Variants in COMT observed in about 807,000 individuals in gnomAD.
COMT encodes the protein catechol O-methyltransferase.
COMT carries 13 observed loss-of-function variants against 18.9 expected under a neutral mutation model. That is an observed-to-expected ratio of 0.69 (90% CI 0.45 to 1.09). The LOEUF is 1.09. COMT is among the 50% of genes least tolerant of loss of function. The pLI is 0.00. For missense variants in COMT, 329 were observed against 361.8 expected, an observed-to-expected ratio of 0.91 and a Z score of 0.73; for synonymous variants, 150 against 160.9, an observed-to-expected ratio of 0.93 and a Z score of 0.51.
At position 19,968,791 on chromosome 22, in the gene COMT, C is replaced by T; in HGVS notation, c.*55C>T. On this transcript the variant is annotated 3_prime_UTR_variant, in exon 6 of 6. Transcript: ENST00000361682. ...CTCACCCAGCCTGGTACTGAAGGTGCCAGACGTGCTCCTGCTGACCTTCTG... is the reference window on the plus strand; with the variant it reads ...CTCACCCAGCCTGGTACTGAAGGTGTCAGACGTGCTCCTGCTGACCTTCTG... 1 of 1,538,298 alleles carries T rather than the reference C, an allele frequency of 6.5e-7. No homozygotes were observed. Among genetic ancestry groups the T allele is most frequent in the Admixed American group, 1.8e-5 (1 of 57,120 alleles).
At chr22:19,946,949 T>C (rs2146129589) in intron 1 of COMT, among the ~76,000 whole-genome samples, 1 of 142,934 alleles carries the variant, frequency 7.0e-6, no homozygotes, top group Non-Finnish European at 1.5e-5. Flanking sequence ...AGAGTCCCAC[T>C]GTGTTGCTCA....
intron 1 of COMT, among the ~76,000 whole-genome samples, chr22:19,959,191 C>G (rs946475584): frequency 1.3e-5 from 2 of 152,232 alleles, no homozygotes; most frequent in Non-Finnish European, 2.9e-5. Flanking sequence ...GGCAAAATCC[C>G]AGGGCTGGGA....
intron 1 of COMT, among the ~76,000 whole-genome samples, chr22:19,958,849 G>A (rs1419498136): frequency 6.6e-6 from 1 of 151,720 alleles, no homozygotes; most frequent in Non-Finnish European, 1.5e-5. Flanking sequence ...CTGCGACCGC[G>A]CCACTGCACT....
At chr22:19,964,453 C>G in intron 5 of COMT, 154 bp downstream of exon 5, 1 of 1,120,008 alleles carries the variant, frequency 8.9e-7, no homozygotes, top group South Asian at 1.3e-5. Flanking sequence ...GTGTGGGGGA[C>G]TGAGGAGGCC....
At chr22:19,953,477 T>C (rs759162013) in intron 1 of COMT, among the ~76,000 whole-genome samples, 13 of 152,076 alleles carry the variant, frequency 8.5e-5, no homozygotes, top group Admixed American at 1.3e-4. Flanking sequence ...GCATTTTTAG[T>C]GGAAACAGAG....
intron 1 of COMT, among the ~76,000 whole-genome samples, chr22:19,950,662 A>T (rs1941915862): frequency 6.6e-6 from 1 of 151,910 alleles, no homozygotes. Context: ...TGCAGCGGGG[A>T]TCCACAGGTG....
chr22:19,963,852 C>A (rs754242441), intron 4 of COMT, 93 bp downstream of exon 4: 2 of 1,441,782 alleles, frequency 1.4e-6, no homozygotes, highest in East Asian at 4.9e-5. Context: ...CAGGTGTTCA[C>A]ACCACGTTCA....
chr22:19,964,829 G>T, intron 5 of COMT: 1 of 279,448 alleles, frequency 3.6e-6, no homozygotes, highest in Non-Finnish European at 6.9e-6. Context: ...GCTTCCCTGG[G>T]GGGCGTGGGG....
chr22:19,965,720 G>T (rs1942355878), intron 5 of COMT: 1 of 152,230 alleles, frequency 6.6e-6, no homozygotes, highest in Admixed American at 6.5e-5. Context: ...GTGTGGAGAG[G>T]GCTGTGGGGA....
chr22:19,952,283 C>T lies in COMT; in HGVS notation c.-91-8916C>T, dbSNP rs538400392. Reference sequence around the variant, plus strand: ...TTGCACCACTGCACTCCAGCCTGGGCGGCAGAGGTGATCACGCCACTGCAC... The same window carrying T: ...TTGCACCACTGCACTCCAGCCTGGGTGGCAGAGGTGATCACGCCACTGCAC... On this transcript the variant is annotated intron_variant, in intron 1 of 5. Coordinates refer to ENST00000361682, the MANE Select transcript of COMT (RefSeq NM_000754.4). 2.0e-5 allele frequency among the ~76,000 whole-genome samples: 3 copies of T among 150,102 alleles called. No homozygotes were observed. The South Asian group carries it at 6.3e-4, about 32-fold the overall frequency.
At position 19,959,823 on chromosome 22, in the gene COMT, G is replaced by A. The variant is rs138433986; in HGVS notation, c.-91-1376G>A. 0.016 allele frequency among the ~76,000 whole-genome samples: 370 copies of A among 23,678 alleles called. 1 individual carries two copies. In the Middle Eastern group the frequency reaches 0.22, roughly 14 times the overall value. 15.5% of individuals were successfully genotyped at this position (23,678 alleles called of 152,430 possible). ...ATCCCCCATGGCTCTTGGCCGTTGGGGCCCAGTTGGCCGCAGAGCCTTTGG... is the reference window on the plus strand; with the variant it reads ...ATCCCCCATGGCTCTTGGCCGTTGGAGCCCAGTTGGCCGCAGAGCCTTTGG... On this transcript the variant is annotated intron_variant, in intron 1 of 5. Coordinates refer to ENST00000361682, the MANE Select transcript of COMT (RefSeq NM_000754.4).
intron 1 of COMT, among the ~76,000 whole-genome samples, chr22:19,945,164 T>A (rs116745811): frequency 0.01 from 1,562 of 152,330 alleles, 16 homozygotes; most frequent in African/African-American, 0.035. Context: ...CCAACCAGAC[T>A]TCACCTGCAG....
At chr22:19,942,870 GC>G (rs1941765880) in intron 1 of COMT, among the ~76,000 whole-genome samples, 2 of 152,186 alleles carry the variant, frequency 1.3e-5, no homozygotes, top group South Asian at 4.1e-4. Context: ...GGGAGGGTTG[GC>G]CCCTGTGAAA....
In COMT at chr22:19,966,806, G is replaced by A. The variant is rs538916940; in HGVS notation, c.616-1730G>A. ...GTCGCCCAGGCTGGAGTGCAGTGGC[G>A]CGATCTTGGCTCCCTGCAACCTCTG... On this transcript the variant is annotated intron_variant, in intron 5 of 5. Transcript: ENST00000361682. 7.9e-5 allele frequency among the ~76,000 whole-genome samples: 12 copies of A among 152,100 alleles called. No homozygotes were observed. In the South Asian group the frequency reaches 8.3e-4, roughly 11 times the overall value.
chr22:19,962,776 G>T lies in COMT; in HGVS notation c.250G>T (p.Glu84Ter), dbSNP rs199690157. 6.2e-7 allele frequency: 1 copy of T among 1,609,448 alleles called. No homozygotes were observed. Among genetic ancestry groups the T allele is most frequent in the Non-Finnish European group, 8.5e-7 (1 of 1,176,380 alleles). The change falls in exon 3 of 6, where the codon GAG becomes TAG. Residue 84 changes from glutamate (E) to a stop codon, truncating the protein, a stop_gained. Transcript: ENST00000361682. LOFTEE classifies it high-confidence loss of function. ...SVLEAIDTYC[E>*]QKEWAMNVGD... ...GCTGGAGGCCATTGACACCTACTGC[G>T]AGCAGAAGGAGTGGGCCATGAACGT...
In COMT at chr22:19,968,754, C is replaced by G. The variant is rs199743418; in HGVS notation, c.*18C>G. On this transcript the variant is annotated 3_prime_UTR_variant, in exon 6 of 6. Transcript: ENST00000361682. ...GGCCCTGACTGCCCCCCCGGCCCCCCTCTCGGGCTCTCTCACCCAGCCTGG... is the reference window on the plus strand; with the variant it reads ...GGCCCTGACTGCCCCCCCGGCCCCCGTCTCGGGCTCTCTCACCCAGCCTGG... 4.2e-4 allele frequency: 669 copies of G among 1,601,128 alleles called. No individual in the cohort carries two copies. In the African/African-American group the frequency reaches 5.0e-3, roughly 12 times the overall value.
At chr22:19,948,709 T>C in intron 1 of COMT, among the ~76,000 whole-genome samples, 1 of 151,688 alleles carries the variant, frequency 6.6e-6, no homozygotes, top group South Asian at 2.1e-4. Flanking sequence ...AATCCCAGCA[T>C]TTTGGGAGGT....
intron 5 of COMT, 82 bp from the exon 6 acceptor site, chr22:19,968,454 T>G: frequency 7.2e-7 from 1 of 1,383,082 alleles, no homozygotes; most frequent in Non-Finnish European, 1.0e-6. Context: ...CGTGGCCTAG[T>G]GAGGAGCACC....
chr22:19,964,302 G>A lies in COMT; in HGVS notation c.615+3G>A. On this transcript the variant is annotated splice_donor_region_variant and intron_variant, in intron 5 of 5. Coordinates refer to ENST00000361682, the MANE Select transcript of COMT (RefSeq NM_000754.4). ...TGCCGGACACGCTTCTCTTGGAGGTGAGCCCCAACCAGGATGGCATCCGTG... is the reference window on the plus strand; with the variant it reads ...TGCCGGACACGCTTCTCTTGGAGGTAAGCCCCAACCAGGATGGCATCCGTG... The A allele has an allele frequency of 6.2e-7, 1 of 1,613,892 alleles. No individual in the cohort carries two copies. The highest frequency in any genetic ancestry group is 8.5e-7 in the Non-Finnish European group (1 of 1,180,040).
Sources: allele counts gnomAD v4.1 joint callset (sites outside exome capture counted in the v4.1 genomes callset), GRCh38; gene constraint gnomAD v4.1.1; transcripts MANE v1.5; gene names NCBI Gene and HGNC (gene_info 2026-07-23, HGNC 2026-07-21).